LUZP2: variants seen among roughly 807,000 people sequenced by gnomAD.
LUZP2 encodes the protein leucine zipper protein 2.
Under a neutral mutation model 51.6 loss-of-function variants are expected in LUZP2, and 52 were observed. The observed-to-expected ratio is 1.01, with a 90% CI of 0.81 to 1.27. The LOEUF is 1.27. LUZP2 is among the 50% of genes most tolerant of loss of function. The pLI is 0.00. For missense variants in LUZP2, 436 were observed against 395.4 expected (o/e 1.10, Z -0.87); for synonymous variants, 154 against 137.3 (o/e 1.12, Z -0.85).
chr11:24,709,764 G>A (rs561213458), intron 1 of LUZP2, among the ~76,000 whole-genome samples: 1 of 152,180 alleles, frequency 6.6e-6, no homozygotes, highest in Non-Finnish European at 1.5e-5. Flanking sequence ...CAGTGTCATC[G>A]TTTTTGTATT....
intron 9 of LUZP2, among the ~76,000 whole-genome samples, chr11:25,012,543 T>C (rs184197840): frequency 1.3e-5 from 2 of 152,294 alleles, no homozygotes; most frequent in Admixed American, 1.3e-4. Flanking sequence ...CTAAATGTGA[T>C]GACACCACTA....
chr11:24,925,570 T>C (rs1218619991), intron 7 of LUZP2, among the ~76,000 whole-genome samples: 1 of 152,054 alleles, frequency 6.6e-6, no homozygotes, highest in Non-Finnish European at 1.5e-5. Context: ...ATTCACTAGC[T>C]AATGGAGAGG....
intron 4 of LUZP2, among the ~76,000 whole-genome samples, chr11:24,742,430 A>G (rs927641344): frequency 6.6e-6 from 1 of 151,840 alleles, no homozygotes; most frequent in Non-Finnish European, 1.5e-5. Flanking sequence ...TTTGATTTTG[A>G]TTTGCATTTC....
At chr11:24,821,248 T>C (rs1401859069) in intron 5 of LUZP2, among the ~76,000 whole-genome samples, 1 of 152,138 alleles carries the variant, frequency 6.6e-6, no homozygotes, top group Non-Finnish European at 1.5e-5. Context: ...TTTTCTGATA[T>C]GTTGTACCCA....
chr11:24,663,985 A>G (rs1328529474), intron 1 of LUZP2, among the ~76,000 whole-genome samples: 1 of 152,186 alleles, frequency 6.6e-6, no homozygotes, highest in African/African-American at 2.4e-5. Flanking sequence ...AGTCTTGGGT[A>G]TGTCTTCATT....
At chr11:24,746,836 A>T (rs1271443081) in intron 4 of LUZP2, among the ~76,000 whole-genome samples, 1 of 152,102 alleles carries the variant, frequency 6.6e-6, no homozygotes. Context: ...CTACGGGTTC[A>T]ATTCTATTGT....
intron 1 of LUZP2, among the ~76,000 whole-genome samples, chr11:24,640,600 T>C (rs1272748657): frequency 6.6e-6 from 1 of 151,910 alleles, no homozygotes; most frequent in Non-Finnish European, 1.5e-5. Flanking sequence ...GTTTGGCACA[T>C]AAACTAAACT....
At chr11:25,006,997 G>C (rs1422335392) in intron 9 of LUZP2, among the ~76,000 whole-genome samples, 1 of 152,076 alleles carries the variant, frequency 6.6e-6, no homozygotes, top group African/African-American at 2.4e-5. Context: ...AGTGCTGATT[G>C]GTCTATTTTA....
In LUZP2 at chr11:24,701,586, G is replaced by C. The variant is rs1044831369; in HGVS notation, c.63-27583G>C. On this transcript the variant is annotated intron_variant, in intron 1 of 11. Coordinates refer to ENST00000336930, the MANE Select transcript of LUZP2 (RefSeq NM_001009909.4). ...CCAAATCTGATTAATATTATACATA[G>C]TGTCTCAACAGTGGTTCCTGTATTC... is the stretch of plus-strand genomic sequence containing the variant. 2 of 153,644 alleles carry C rather than the reference G, an allele frequency of 1.3e-5. 1 individual carries two copies. The highest frequency in any genetic ancestry group is 4.1e-4 in the South Asian group (2 of 4,828). 9.5% of individuals were successfully genotyped at this position (153,644 alleles called of 1,614,324 possible). A position where few individuals can be genotyped will look rare whatever the true frequency, so the allele number is the denominator to read the frequency against.
chr11:24,840,395 G>T (rs909387378), intron 5 of LUZP2, among the ~76,000 whole-genome samples: 5 of 151,632 alleles, frequency 3.3e-5, no homozygotes, highest in African/African-American at 1.2e-4. Flanking sequence ...CTCTTATTTT[G>T]ATCTTTGTTC....
intron 1 of LUZP2, among the ~76,000 whole-genome samples, chr11:24,559,654 A>T (rs779862214): frequency 4.6e-5 from 7 of 152,172 alleles, no homozygotes; most frequent in Admixed American, 2.0e-4. Context: ...AAGTGACAGA[A>T]ACTATGCAAT....
At position 24,517,124 on chromosome 11, in the gene LUZP2, T is replaced by C. The variant is rs560539039; in HGVS notation, c.62+19819T>C. Among the ~76,000 whole-genome samples the C allele has an allele frequency of 2.6e-5, 4 of 152,280 alleles. No individual in the cohort carries two copies. In the South Asian group the frequency reaches 6.2e-4, roughly 24 times the overall value. Reference sequence around the variant, plus strand: ...TATGCATGAAATCTTATTTGAAATCTTAATTGAAACATGAATAAGATAATC... The same window carrying C: ...TATGCATGAAATCTTATTTGAAATCCTAATTGAAACATGAATAAGATAATC... On this transcript the variant is annotated intron_variant, in intron 1 of 11. Transcript: ENST00000336930.
At chr11:24,854,667 G>GAAAAA (rs34378292) in intron 5 of LUZP2, among the ~76,000 whole-genome samples, 1 of 135,658 alleles carries the variant, frequency 7.4e-6, no homozygotes, top group African/African-American at 2.8e-5. Context: ...ACTGGGATAT[G>GAAAAA]AAAAAAAAAA....
intron 1 of LUZP2, among the ~76,000 whole-genome samples, chr11:24,570,634 A>G (rs1460448929): frequency 6.6e-6 from 1 of 152,038 alleles, no homozygotes; most frequent in Non-Finnish European, 1.5e-5. Context: ...ATAAATAGAT[A>G]TTTCACTTTA....
At chr11:25,037,214 A>T (rs927760879) in intron 9 of LUZP2, among the ~76,000 whole-genome samples, 5 of 151,990 alleles carry the variant, frequency 3.3e-5, no homozygotes, top group Admixed American at 1.3e-4. Flanking sequence ...TAATGCACTT[A>T]ATTGTCCTTG....
At chr11:24,816,299 A>G (rs1229475238) in intron 5 of LUZP2, among the ~76,000 whole-genome samples, 1 of 151,886 alleles carries the variant, frequency 6.6e-6, no homozygotes, top group African/African-American at 2.4e-5. Flanking sequence ...TTCAGCTTTA[A>G]TATTCTGTAT....
At chr11:24,775,224 A>G (rs1456985391) in intron 5 of LUZP2, among the ~76,000 whole-genome samples, 2 of 152,296 alleles carry the variant, frequency 1.3e-5, no homozygotes, top group East Asian at 3.9e-4. Flanking sequence ...CTCACTACAA[A>G]GAAAGTAAAC....
At chr11:24,754,643 T>A (rs1167412073) in intron 4 of LUZP2, among the ~76,000 whole-genome samples, 4 of 152,192 alleles carry the variant, frequency 2.6e-5, no homozygotes, top group Non-Finnish European at 5.9e-5. Flanking sequence ...GCATATCAAC[T>A]GCTTCATCTG....
At chr11:24,499,445 T>G (rs1174193145) in intron 1 of LUZP2, among the ~76,000 whole-genome samples, 1 of 152,228 alleles carries the variant, frequency 6.6e-6, no homozygotes, top group Non-Finnish European at 1.5e-5. Context: ...TTGTGCAGAT[T>G]AGAACCTAAA....
Sources: gnomAD v4.1 joint callset for allele counts (sites outside exome capture counted in the v4.1 genomes callset) on GRCh38, gnomAD v4.1.1 for gene constraint, MANE v1.5 for transcripts, NCBI Gene and HGNC (gene_info 2026-07-23, HGNC 2026-07-21) for gene names.